ACER3: variants seen among roughly 807,000 people sequenced by gnomAD.
ACER3 encodes the protein alkCDase 3.
ACER3 carries 16 observed loss-of-function variants against 48.9 expected under a neutral mutation model. The ratio of observed to expected loss-of-function variants is 0.33; its 90% CI spans 0.22 to 0.50. ACER3 has a LOEUF of 0.50. ACER3 is among the 20% of genes least tolerant of loss of function. The pLI is 0.98. For synonymous variants in ACER3, 109 were observed against 107.8 expected (o/e 1.01, Z -0.07); for missense variants, 227 against 326.0 (o/e 0.70, Z 2.34).
intron 7 of ACER3, among the ~76,000 whole-genome samples, chr11:77,004,361 C>T (rs1392334768): frequency 6.6e-6 from 1 of 152,206 alleles, no homozygotes; most frequent in African/African-American, 2.4e-5. Flanking sequence ...TCCCAGGAGC[C>T]AGTCAAGAGC....
intron 2 of ACER3, among the ~76,000 whole-genome samples, chr11:76,928,837 A>G (rs529517758): frequency 6.6e-6 from 1 of 152,328 alleles, no homozygotes; most frequent in East Asian, 1.9e-4. Flanking sequence ...TTTTGGTACC[A>G]GTACCAGGCT....
intron 3 of ACER3, among the ~76,000 whole-genome samples, chr11:76,962,625 C>A (rs56129156): frequency 0.4 from 61,137 of 151,340 alleles, 15,229 homozygotes; most frequent in Non-Finnish European, 0.56. Context: ...GACCTCTATC[C>A]TAGCCAATGT....
chr11:77,025,343 G>A lies in ACER3; in HGVS notation c.*5016G>A, dbSNP rs1003815972. ...AACCCATGGGCCAAATTCAGGCTGC[G>A]TTGTATGGCCTGCAAGGTAAGAATG... On this transcript the variant is annotated 3_prime_UTR_variant, in exon 11 of 11. Coordinates refer to ENST00000532485, the MANE Select transcript of ACER3 (RefSeq NM_018367.7). The A allele has an allele frequency of 1.3e-5, 2 of 149,652 alleles. No homozygotes were observed. The highest frequency in any genetic ancestry group is 2.5e-5 in the African/African-American group (1 of 40,248). 9.3% of individuals were successfully genotyped at this position (149,652 alleles called of 1,614,324 possible). A position where few individuals can be genotyped will look rare whatever the true frequency, so the allele number is the denominator to read the frequency against.
At chr11:77,018,146 G>A (rs1298853155) in intron 9 of ACER3, among the ~76,000 whole-genome samples, 1 of 151,856 alleles carries the variant, frequency 6.6e-6, no homozygotes, top group Non-Finnish European at 1.5e-5. Context: ...CACCATGTTG[G>A]TCATACTGGT....
In ACER3 at chr11:77,025,312, A is replaced by G. The variant is rs1591083104; in HGVS notation, c.*4985A>G. On this transcript the variant is annotated 3_prime_UTR_variant, in exon 11 of 11. Coordinates refer to ENST00000532485, the MANE Select transcript of ACER3 (RefSeq NM_018367.7). Reference sequence around the variant, plus strand: ...AAGGGGTCTAGATCAGGGGTTGGTAAACTACAACCCATGGGCCAAATTCAG... The same window carrying G: ...AAGGGGTCTAGATCAGGGGTTGGTAGACTACAACCCATGGGCCAAATTCAG... The G allele has an allele frequency of 6.6e-6, 1 of 151,294 alleles. No individual in the cohort carries two copies. 9.4% of individuals were successfully genotyped at this position (151,294 alleles called of 1,614,324 possible).
intron 7 of ACER3, among the ~76,000 whole-genome samples, chr11:77,010,980 G>A (rs147359164): frequency 3.9e-5 from 6 of 152,282 alleles, no homozygotes; most frequent in African/African-American, 9.6e-5. Context: ...ACTGAAAGAC[G>A]TGCTTCGCCA....
intron 1 of ACER3, among the ~76,000 whole-genome samples, chr11:76,868,476 GAGTCTTTTATTATA>G (rs1167429442): frequency 1.3e-5 from 2 of 150,110 alleles, no homozygotes; most frequent in East Asian, 4.0e-4. Context: ...TCCCTTTTTA[GAGTCTTTTATTATA>G]ATGTTGGGGC....
chr11:76,975,874 C>CTTTTTTTTTTTTTTTTTTT (rs34786738), intron 3 of ACER3, among the ~76,000 whole-genome samples: 1 of 82,772 alleles, frequency 1.2e-5, no homozygotes, highest in African/African-American at 4.5e-5. Context: ...TTTTTCTTTT[C>CTTTTTTTTTTTTTTTTTTT]TTTTTTTTTT....
At chr11:76,938,051 C>T (rs1172809895) in intron 2 of ACER3, among the ~76,000 whole-genome samples, 2 of 152,116 alleles carry the variant, frequency 1.3e-5, no homozygotes, top group African/African-American at 4.8e-5. Context: ...TTCTCACTCT[C>T]CTGCTCAGGC....
intron 2 of ACER3, among the ~76,000 whole-genome samples, chr11:76,939,814 T>C (rs114810563): frequency 1.7e-3 from 264 of 152,336 alleles, no homozygotes; most frequent in African/African-American, 5.8e-3. Context: ...ATAATTCATC[T>C]TGAATTGTTC....
chr11:76,960,377 C>A (rs1947956272), intron 3 of ACER3, among the ~76,000 whole-genome samples: 1 of 151,806 alleles, frequency 6.6e-6, no homozygotes, highest in Admixed American at 6.6e-5. Context: ...CCACTGCACT[C>A]CAGCCTGGCG....
At chr11:76,875,438 A>G (rs998917893) in intron 1 of ACER3, among the ~76,000 whole-genome samples, 2 of 152,052 alleles carry the variant, frequency 1.3e-5, no homozygotes, top group Non-Finnish European at 2.9e-5. Flanking sequence ...TTTTAAGATG[A>G]AATTTTTATG....
chr11:76,933,173 C>CATATAT (rs144524712), intron 2 of ACER3, among the ~76,000 whole-genome samples: 7,314 of 129,532 alleles, frequency 0.056, 307 homozygotes, highest in Middle Eastern at 0.12. Flanking sequence ...ATACGTATTT[C>CATATAT]ATATATATAT....
intron 1 of ACER3, among the ~76,000 whole-genome samples, chr11:76,894,138 G>T (rs1163644207): frequency 1.3e-5 from 2 of 152,130 alleles, no homozygotes; most frequent in African/African-American, 4.8e-5. Context: ...AATTAGCTGG[G>T]CGTGGTGGTA....
At chr11:76,935,013 T>G (rs1417444377) in intron 2 of ACER3, among the ~76,000 whole-genome samples, 1 of 152,056 alleles carries the variant, frequency 6.6e-6, no homozygotes, top group African/African-American at 2.4e-5. Flanking sequence ...ATCAAAAATT[T>G]AAAAACTAAT....
At chr11:76,989,636 C>T (rs975523040) in intron 5 of ACER3, among the ~76,000 whole-genome samples, 1 of 152,138 alleles carries the variant, frequency 6.6e-6, no homozygotes, top group Non-Finnish European at 1.5e-5. Flanking sequence ...TTTGAGGAAG[C>T]ACAGTACTTT....
rs565715228 is a variant in ACER3, at chr11:76,971,400, T to A, written c.268-4889T>A. ...ACTAAAAATACAAACATTAGCTGGG[T>A]GTGGTGGCACGCGCCCACAGTCCCA... On this transcript the variant is annotated intron_variant, in intron 3 of 10. Transcript: ENST00000532485. Among the ~76,000 whole-genome samples, 9 of 151,930 alleles carry A rather than the reference T, an allele frequency of 5.9e-5. No homozygotes were observed. The South Asian group carries it at 1.7e-3, about 28-fold the overall frequency.
intron 1 of ACER3, among the ~76,000 whole-genome samples, chr11:76,887,712 A>G (rs1215893267): frequency 2.0e-5 from 3 of 151,938 alleles, no homozygotes; most frequent in Non-Finnish European, 4.4e-5. Context: ...ATGCCCACAC[A>G]TGTGCATAAA....
chr11:76,990,488 C>G, intron 5 of ACER3, 51 bp from the exon 6 acceptor site: 281 of 1,262,880 alleles, frequency 2.2e-4, no homozygotes, highest in Non-Finnish European at 2.9e-4. Context: ...TCGGTTTTTC[C>G]CCCCTTCATA....
Sources: gnomAD v4.1 joint callset for allele counts (sites outside exome capture counted in the v4.1 genomes callset) on GRCh38, gnomAD v4.1.1 for gene constraint, MANE v1.5 for transcripts, NCBI Gene and HGNC (gene_info 2026-07-23, HGNC 2026-07-21) for gene names.